Variants in RABEP1 observed in about 807,000 individuals in gnomAD.
RABEP1 encodes rab GTPase-binding effector protein 1.
In RABEP1, 51 loss-of-function variants were observed where a neutral mutation model predicts 123.4. The ratio of observed to expected loss-of-function variants is 0.41; its 90% confidence interval spans 0.33 to 0.52. The LOEUF (loss-of-function observed/expected upper bound fraction) is 0.52. Among genes scored for constraint, RABEP1 ranks in the 20% least tolerant of loss-of-function variants. The probability of loss-of-function intolerance (pLI) is 0.16; values close to 1 mark genes in which losing one functional copy is unlikely to be tolerated. For missense variants in RABEP1, 888 were observed against 996.3 expected, an observed-to-expected ratio of 0.89 and a Z score of 1.46; for synonymous variants, 347 against 355.2, an observed-to-expected ratio of 0.98 and a Z score of 0.26.
chr17:5,338,233 A>G, intron 5 of RABEP1, 95 bp downstream of exon 5: 1 of 1,378,928 alleles, frequency 7.3e-7, no homozygotes, highest in Non-Finnish European at 9.8e-7. Context: ...AAAAACCTGT[A>G]ATTTAGACTA....
Position 5,303,999 on chromosome 17 carries a change from A to C in RABEP1, c.35-4695A>C, listed in dbSNP as rs570842027. 4.6e-5 allele frequency among the ~76,000 whole-genome samples: 7 copies of C among 151,096 alleles called. No individual in the cohort carries two copies. In the East Asian group the frequency reaches 7.8e-4, roughly 17 times the overall value. On this transcript the variant is annotated intron_variant, in intron 1 of 17. Transcript: ENST00000537505. Reference sequence around the variant, plus strand: ...CTGTGAGCCGAGATTGCACCATTGCACTCTAGCCTGGGCGACAAGAGCGAA... The same window carrying C: ...CTGTGAGCCGAGATTGCACCATTGCCCTCTAGCCTGGGCGACAAGAGCGAA...
In RABEP1 at chr17:5,361,377, T is replaced by C; in HGVS notation, c.1265T>C (p.Leu422Ser). 4.3e-6 allele frequency: 7 copies of C among 1,614,156 alleles called. No individual in the cohort carries two copies. The highest frequency in any genetic ancestry group is 5.9e-6 in the Non-Finnish European group (7 of 1,180,020). The part of the protein sequence containing the change: ...GTSGSLQSKA[L>S]GYNYKAKSAG... The stretch of plus-strand genomic sequence containing the variant: ...TCGGGCTCATTGCAATCCAAAGCTT[T>C]AGGCTATAACTACAAAGCAAAATCT... The change falls in exon 9 of 18, where the codon TTA becomes TCA. Residue 422 changes from leucine (L) to serine (S), a missense_variant. By Grantham distance (145) the Leu-to-Ser change is moderately radical (BLOSUM62 -2). Coordinates refer to ENST00000537505, the MANE Select transcript of RABEP1 (RefSeq NM_004703.6).
chr17:5,386,187 GAGTC>G lies in RABEP1; in HGVS notation c.*2967_*2970del, dbSNP rs1567562202. 1 of 1,601,288 alleles carries G rather than the reference GAGTC, an allele frequency of 6.2e-7. No homozygotes were observed. Among genetic ancestry groups the G allele is most frequent in the Non-Finnish European group, 8.5e-7 (1 of 1,170,056 alleles). On this transcript the variant is annotated 3_prime_UTR_variant, in exon 18 of 18. Transcript: ENST00000537505. ...CTTCAATGGTGTTCAGTTCAGGTGT[GAGTC>G]AGCTCCTGGTGGTGTCAGAAGTTTA...
intron 1 of RABEP1, among the ~76,000 whole-genome samples, chr17:5,296,134 G>A (rs896089318): frequency 3.9e-5 from 6 of 152,150 alleles, no homozygotes; most frequent in African/African-American, 1.4e-4. Flanking sequence ...ACTCAACTTG[G>A]TTGTGATGGA....
chr17:5,284,205 T>C lies in RABEP1; in HGVS notation c.34+1685T>C, dbSNP rs973783579. ...GATATGAAATGGTCTTCCTTGTAAA[T>C]AGGCAGAAGTGACTAAGCACTTGAA... On this transcript the variant is annotated intron_variant, in intron 1 of 17. Transcript: ENST00000537505. 3 of 152,208 alleles carry C rather than the reference T, an allele frequency of 2.0e-5. No homozygotes were observed. The East Asian group carries it at 5.8e-4, about 29-fold the overall frequency. The allele number at this position is 152,208 out of a possible 1,614,324, so 9.4% of individuals were successfully genotyped here. A position where few individuals can be genotyped will look rare whatever the true frequency, so the allele number is the denominator to read the frequency against.
At chr17:5,288,839 G>T (rs1307004370) in intron 1 of RABEP1, among the ~76,000 whole-genome samples, 2 of 151,998 alleles carry the variant, frequency 1.3e-5, no homozygotes, top group Non-Finnish European at 2.9e-5. Flanking sequence ...AAGTAGCTGG[G>T]ATTACAGGCG....
At chr17:5,365,971 C>T (rs908960767) in intron 11 of RABEP1, among the ~76,000 whole-genome samples, 1 of 152,034 alleles carries the variant, frequency 6.6e-6, no homozygotes, top group South Asian at 2.1e-4. Flanking sequence ...AATAATGTTC[C>T]TTTGAAATTT....
intron 16 of RABEP1, among the ~76,000 whole-genome samples, chr17:5,380,977 A>G (rs1317117656): frequency 6.6e-6 from 1 of 152,200 alleles, no homozygotes; most frequent in East Asian, 1.9e-4. Context: ...GTTTTCTGTA[A>G]GAGAGACTGG....
chr17:5,327,429 A>G (rs1187104802), intron 2 of RABEP1, among the ~76,000 whole-genome samples: 1 of 152,102 alleles, frequency 6.6e-6, no homozygotes, highest in Non-Finnish European at 1.5e-5. Context: ...TGGCAGTATG[A>G]TGTTACCATG....
chr17:5,367,451 A>G (rs550810408), intron 11 of RABEP1, among the ~76,000 whole-genome samples: 9 of 151,202 alleles, frequency 6.0e-5, no homozygotes, highest in African/African-American at 2.2e-4. Flanking sequence ...TTTTATTTTT[A>G]GTAGAGACGG....
chr17:5,346,695 A>AT, intron 5 of RABEP1, 95 bp from the exon 6 acceptor site: 1 of 930,786 alleles, frequency 1.1e-6, no homozygotes, highest in Non-Finnish European at 1.5e-6. Flanking sequence ...GTAAGTGTAA[A>AT]TTTTTTTGAG....
At chr17:5,357,743 T>C (rs1016004939) in intron 8 of RABEP1, among the ~76,000 whole-genome samples, 5 of 152,182 alleles carry the variant, frequency 3.3e-5, no homozygotes, top group African/African-American at 9.7e-5. Flanking sequence ...AAAAAAGTTT[T>C]GTGTTACTCA....
At chr17:5,360,407 A>G (rs1208672119) in intron 8 of RABEP1, among the ~76,000 whole-genome samples, 5 of 152,174 alleles carry the variant, frequency 3.3e-5, no homozygotes, top group Admixed American at 1.3e-4. Context: ...CTAAAAATAG[A>G]AAACATTAGC....
intron 11 of RABEP1, among the ~76,000 whole-genome samples, chr17:5,366,182 G>A (rs1481948384): frequency 6.6e-6 from 1 of 152,162 alleles, no homozygotes; most frequent in African/African-American, 2.4e-5. Context: ...CATTTCGGTG[G>A]ATGTATAATG....
chr17:5,353,842 G>T (rs1162432410), intron 7 of RABEP1, among the ~76,000 whole-genome samples: 1 of 152,090 alleles, frequency 6.6e-6, no homozygotes, highest in Non-Finnish European at 1.5e-5. Context: ...AAATTAGGCG[G>T]GCGTGGTGGC....
rs753575249 is a variant in RABEP1 at position 5,332,019 on chromosome 17, G to T, written c.234G>T (p.Leu78=). 2.5e-6 allele frequency: 4 copies of T among 1,614,080 alleles called. No homozygotes were observed. The highest frequency in any genetic ancestry group is 2.7e-5 in the African/African-American group (2 of 75,034). The part of the protein sequence containing the change: ...QDDLGHLRTQ[L]WEAQAEMENI... ...ATTTGGGACACCTTCGAACCCAGCT[G>T]TGGGAAGCTCAAGCAGAGATGGAGA... The change falls in exon 3 of 18, where the codon CTG becomes CTT. Residue 78 remains leucine, a synonymous_variant. Coordinates refer to ENST00000537505, the MANE Select transcript of RABEP1 (RefSeq NM_004703.6).
At chr17:5,302,575 T>C (rs1293077159) in intron 1 of RABEP1, among the ~76,000 whole-genome samples, 1 of 150,494 alleles carries the variant, frequency 6.6e-6, no homozygotes, top group Non-Finnish European at 1.5e-5. Flanking sequence ...CCTTATAAGC[T>C]TTTTAATTTT....
chr17:5,377,778 C>T (rs570890383), intron 14 of RABEP1, among the ~76,000 whole-genome samples: 10 of 152,224 alleles, frequency 6.6e-5, no homozygotes, highest in South Asian at 2.1e-4. Flanking sequence ...CTGCCTGCCT[C>T]GGCCTTGCAA....
At chr17:5,325,889 C>CT in intron 2 of RABEP1, among the ~76,000 whole-genome samples, 1 of 152,046 alleles carries the variant, frequency 6.6e-6, no homozygotes, top group Admixed American at 6.5e-5. Context: ...ACCAAATGGG[C>CT]AGAAGACCCA....
Sources: gnomAD v4.1 joint callset for allele counts (sites outside exome capture counted in the v4.1 genomes callset) on GRCh38, gnomAD v4.1.1 for gene constraint, MANE v1.5 for transcripts, NCBI Gene and HGNC (gene_info 2026-07-23, HGNC 2026-07-21) for gene names.